Variants in TYRO3 observed in about 807,000 individuals in gnomAD.
TYRO3 encodes TYRO3 protein tyrosine kinase.
In TYRO3, 38 loss-of-function variants were observed where a neutral mutation model predicts 95.2. The observed-to-expected ratio is 0.40, with a 90% CI of 0.31 to 0.52. The LOEUF (loss-of-function observed/expected upper bound fraction) is 0.52. Ranked by LOEUF, TYRO3 falls within the 20% of genes least tolerant of loss-of-function variation. The probability of loss-of-function intolerance (pLI) is 0.56; values close to 1 mark genes in which losing one functional copy is unlikely to be tolerated. For synonymous variants in TYRO3, 367 were observed against 432.9 expected, an observed-to-expected ratio of 0.85 and a Z score of 1.89; for missense variants, 812 against 1,116.4, an observed-to-expected ratio of 0.73 and a Z score of 3.89.
rs755652453 is a variant in TYRO3 at position 41,572,996 on chromosome 15, C to A, written c.1876-6C>A. 10 of 1,612,908 alleles carry A rather than the reference C, an allele frequency of 6.2e-6. No individual in the cohort carries two copies. The highest frequency in any genetic ancestry group is 8.5e-6 in the Non-Finnish European group (10 of 1,179,264). On this transcript the variant is annotated splice_region_variant and splice_polypyrimidine_tract_variant and intron_variant, in intron 15 of 18. Transcript: ENST00000263798. Reference sequence around the variant, plus strand: ...TAAGCCTGAGCTTGGCCTGTCTGTCCACTAGAACCTACCCCTCCAGACCCT... The same window carrying A: ...TAAGCCTGAGCTTGGCCTGTCTGTCAACTAGAACCTACCCCTCCAGACCCT...
At position 41,561,361 on chromosome 15, in the gene TYRO3, G is replaced by T; in HGVS notation, c.308+51G>T. 5 of 1,447,154 alleles carry T rather than the reference G, an allele frequency of 3.5e-6. No individual in the cohort carries two copies. In the Middle Eastern group the frequency reaches 7.6e-4, roughly 221 times the overall value. 89.6% of individuals were successfully genotyped at this position (1,447,154 alleles called of 1,614,324 possible). On this transcript the variant is annotated intron_variant, in intron 2 of 18. Transcript: ENST00000263798. Reference sequence around the variant, plus strand: ...GGCTGCCAGCCAGGGGGCAGGCTATGCTCTTTCCTTGGGGATTGGGAGCTG... The same window carrying T: ...GGCTGCCAGCCAGGGGGCAGGCTATTCTCTTTCCTTGGGGATTGGGAGCTG...
chr15:41,571,426 A>C, intron 13 of TYRO3, 169 bp from the exon 14 acceptor site: 1 of 621,406 alleles, frequency 1.6e-6, no homozygotes, highest in Non-Finnish European at 2.9e-6. Flanking sequence ...GCAAGTGGAG[A>C]AGTTGCTAAG....
rs1408514643 is a variant in TYRO3, at chr15:41,577,982, G to C, written c.2379G>C (p.Leu793=). 2.5e-6 allele frequency: 4 copies of C among 1,613,952 alleles called. No homozygotes were observed. Among genetic ancestry groups the C allele is most frequent in the East Asian group, 2.2e-5 (1 of 44,884 alleles). ...RMELENILGQ[L]SVLSASQDPL... is the part of the protein sequence containing the mutation. ...AACTGGAGAACATCTTGGGCCAGCT[G>C]TCTGTGCTATCTGCCAGCCAGGACC... Residue 793 remains leucine, a synonymous_variant, in exon 19 of 19, where the codon CTG becomes CTC. Coordinates refer to ENST00000263798, the MANE Select transcript of TYRO3 (RefSeq NM_006293.4).
At chr15:41,577,733 C>G (rs533323226) in intron 18 of TYRO3, 153 bp from the exon 19 acceptor site, 49 of 718,618 alleles carry the variant, frequency 6.8e-5, no homozygotes, top group East Asian at 6.0e-4. Flanking sequence ...ATAATACCCC[C>G]CTTCGGCCTC....
chr15:41,578,021 C>A lies in TYRO3; in HGVS notation c.2418C>A (p.Asn806Lys), dbSNP rs766344763. ...LSASQDPLYI[N>K]IERAEEPTAG... ...CCAGCCAGGACCCCTTATACATCAA[C>A]ATCGAGAGAGCTGAGGAGCCCACTG... The change falls in exon 19 of 19, where the codon AAC (asparagine) becomes AAA (lysine). Residue 806 changes from asparagine (N) to lysine (K), a missense_variant. By Grantham distance (94) the Asn-to-Lys change is moderately conservative. Coordinates refer to ENST00000263798, the MANE Select transcript of TYRO3 (RefSeq NM_006293.4). The A allele has an allele frequency of 6.2e-7, 1 of 1,614,126 alleles. No individual in the cohort carries two copies. The highest frequency in any genetic ancestry group is 1.1e-5 in the South Asian group (1 of 91,082).
rs1408766845 is a variant in TYRO3 at position 41,560,428 on chromosome 15, T to TGTGTGTGCGC, written c.125-698_125-697insTGTGTGCGCG. Among the ~76,000 whole-genome samples the TGTGTGTGCGC allele has an allele frequency of 9.4e-3, 1,273 of 135,248 alleles. 11 individuals carry two copies. The highest frequency in any genetic ancestry group is 0.016 in the Admixed American group (218 of 13,920). The allele number at this position is 135,248 out of a possible 152,430, so 88.7% of individuals were successfully genotyped here. A position where few individuals can be genotyped will look rare whatever the true frequency, so the allele number is the denominator to read the frequency against. On this transcript the variant is annotated intron_variant, in intron 1 of 18. Coordinates refer to ENST00000263798, the MANE Select transcript of TYRO3 (RefSeq NM_006293.4). ...GTGTGTGTGTGTGTGTGTGTGTGTG[T>TGTGTGTGCGC]GCGCGCGCGCGCGCGCGCTCGCACG...
rs2044759210 is a variant in TYRO3, at chr15:41,578,295, C to CGGGGCCA, written c.*20_*26dup. The CGGGGCCA allele has an allele frequency of 1.2e-6, 2 of 1,612,646 alleles. No homozygotes were observed. Among genetic ancestry groups the CGGGGCCA allele is most frequent in the South Asian group, 2.2e-5 (2 of 90,984 alleles). On this transcript the variant is annotated 3_prime_UTR_variant, in exon 19 of 19. Transcript: ENST00000263798. ...CTGTTAGCCCACAGGCAGAGGGCAT[C>CGGGGCCA]GGGGCCATTTGGCCGGCTCTGGTGG...
chr15:41,575,886 CCTGA>C (rs965123238), intron 18 of TYRO3, among the ~76,000 whole-genome samples: 8 of 152,114 alleles, frequency 5.3e-5, no homozygotes, highest in Non-Finnish European at 1.0e-4. Flanking sequence ...AGGCGGATCT[CCTGA>C]GGTCGGGAGT....
chr15:41,567,542 G>A lies in TYRO3; in HGVS notation c.961+5G>A. 7.2e-7 allele frequency: 1 copy of A among 1,384,346 alleles called. No individual in the cohort carries two copies. The highest frequency in any genetic ancestry group is 1.5e-5 in the South Asian group (1 of 68,840). 85.8% of individuals were successfully genotyped at this position (1,384,346 alleles called of 1,614,324 possible). On this transcript the variant is annotated splice_donor_5th_base_variant and intron_variant, in intron 7 of 18. Transcript: ENST00000263798. ...CCTTTCAGACCAAGGGTCTAGGTAAGGGATGCATAGAGCAGAGCGGGTGGG... is the reference window on the plus strand; with the variant it reads ...CCTTTCAGACCAAGGGTCTAGGTAAAGGATGCATAGAGCAGAGCGGGTGGG...
intron 12 of TYRO3, 122 bp downstream of exon 12, chr15:41,570,821 A>T (rs1291466138): frequency 2.0e-6 from 2 of 993,996 alleles, no homozygotes; most frequent in Non-Finnish European, 3.1e-6. Context: ...ATGCTTGTAG[A>T]CTCCTGAGTG....
intron 1 of TYRO3, among the ~76,000 whole-genome samples, chr15:41,560,445 G>A (rs949481942): frequency 3.3e-5 from 5 of 149,526 alleles, no homozygotes; most frequent in African/African-American, 7.4e-5. Context: ...GCGCGCGCGC[G>A]CTCGCACGCA....
intron 9 of TYRO3, 36 bp from the exon 10 acceptor site, chr15:41,569,991 C>A: frequency 6.2e-7 from 1 of 1,601,652 alleles, no homozygotes; most frequent in South Asian, 1.1e-5. Flanking sequence ...CTCATGGTGT[C>A]ATCCTAGCTC....
chr15:41,559,905 G>A (rs576802354), intron 1 of TYRO3, among the ~76,000 whole-genome samples: 1 of 152,368 alleles, frequency 6.6e-6, no homozygotes, highest in South Asian at 2.1e-4. Flanking sequence ...GAACCTTGGA[G>A]AGGATGGGCT....
In TYRO3 at chr15:41,571,056, G is replaced by T; in HGVS notation, c.1598G>T (p.Arg533Leu). The change falls in exon 13 of 19, where the codon CGG (arginine) becomes CTG (leucine). Residue 533 changes from arginine (R) to leucine (L), a missense_variant. Transcript: ENST00000263798. The part of the protein sequence containing the change: ...MLGKGEFGSV[R>L]EAQLKQEDGS... ...TTCCTAGGAGAGTTTGGTTCAGTGC[G>T]GGAGGCCCAGCTGAAGCAAGAGGAT... The T allele has an allele frequency of 1.2e-6, 2 of 1,614,032 alleles. No individual in the cohort carries two copies. Among genetic ancestry groups the T allele is most frequent in the South Asian group, 1.1e-5 (1 of 91,036 alleles).
chr15:41,568,400 G>C (rs903882361), intron 8 of TYRO3, 38 bp downstream of exon 8: 3 of 1,584,460 alleles, frequency 1.9e-6, no homozygotes, highest in Non-Finnish European at 2.6e-6. Flanking sequence ...CTCTCCTGGA[G>C]TATAAGCCTT....
chr15:41,574,555 G>A (rs1163716795), intron 18 of TYRO3: 1 of 442,148 alleles, frequency 2.3e-6, no homozygotes, highest in Non-Finnish European at 4.6e-6. Flanking sequence ...ACGTCACAGA[G>A]CTAGTAAGTG....
intron 2 of TYRO3, 58 bp downstream of exon 2, chr15:41,561,368 C>G: frequency 2.1e-6 from 3 of 1,454,804 alleles, no homozygotes; most frequent in East Asian, 2.3e-5. Context: ...TATGCTCTTT[C>G]CTTGGGGATT....
intron 18 of TYRO3, 66 bp downstream of exon 18, chr15:41,573,881 A>T: frequency 7.3e-7 from 1 of 1,362,090 alleles, no homozygotes; most frequent in Non-Finnish European, 9.9e-7. Flanking sequence ...GATGGCTGCC[A>T]CCACAGTTGC....
intron 2 of TYRO3, 67 bp from the exon 3 acceptor site, chr15:41,561,472 A>G: frequency 7.4e-7 from 1 of 1,351,882 alleles, no homozygotes; most frequent in Non-Finnish European, 1.0e-6. Context: ...GGCTGAACTC[A>G]TCAAGTTTGC....
Sources: allele counts gnomAD v4.1 joint callset (sites outside exome capture counted in the v4.1 genomes callset), GRCh38; gene constraint gnomAD v4.1.1; transcripts MANE v1.5; gene names NCBI Gene and HGNC (gene_info 2026-07-23, HGNC 2026-07-21).